The following ATXN10 variants were observed in gnomAD, a reference collection of about 807,000 sequenced individuals.
ATXN10 encodes ataxin 10, also known as ataxin-10.
In ATXN10, 28 loss-of-function variants were observed where a neutral mutation model predicts 52.9. The ratio of observed to expected loss-of-function variants is 0.53; its 90% CI spans 0.39 to 0.73. The LOEUF (loss-of-function observed/expected upper bound fraction) is 0.73. Among genes scored for constraint, ATXN10 ranks in the 30% least tolerant of loss-of-function variants. The pLI is 0.00. For missense variants in ATXN10, 565 were observed against 577.0 expected, an observed-to-expected ratio of 0.98 and a Z score of 0.21; for synonymous variants, 226 against 221.5, an observed-to-expected ratio of 1.02 and a Z score of -0.18.
chr22:45,841,118 A>T lies in ATXN10; in HGVS notation c.1238-1873A>T, dbSNP rs1929333734. On this transcript the variant is annotated intron_variant, in intron 10 of 11. Coordinates refer to ENST00000252934, the MANE Select transcript of ATXN10 (RefSeq NM_013236.4). The surrounding 1 kb of genome is among the most constrained non-coding windows in gnomAD (Gnocchi z 5.1). ...TGGGGGTTCAGTGATCATGGAAAAG[A>T]GGCGGATATTCAAATTTAGGTTTAA... 6.6e-6 allele frequency among the ~76,000 whole-genome samples: 1 copy of T among 152,254 alleles called. No individual in the cohort carries two copies. Among genetic ancestry groups the T allele is most frequent in the Admixed American group, 6.5e-5 (1 of 15,288 alleles).
rs1794250178 is a variant in ATXN10 at position 45,705,341 on chromosome 22, T to C, written c.647+2494T>C. On this transcript the variant is annotated intron_variant, in intron 5 of 11. Coordinates refer to ENST00000252934, the MANE Select transcript of ATXN10 (RefSeq NM_013236.4). The surrounding 1 kb of genome is among the most constrained non-coding windows in gnomAD (Gnocchi z 5.2). ...AAGGATCGGTATTCATCTTTAAATA[T>C]GTGGTAGAATTCACTGGTGAAGCCA... Among the ~76,000 whole-genome samples, 1 of 152,208 alleles carries C rather than the reference T, an allele frequency of 6.6e-6. No homozygotes were observed. The highest frequency in any genetic ancestry group is 1.5e-5 in the Non-Finnish European group (1 of 68,038).
rs1929453133 is a variant in ATXN10, at chr22:45,844,670, C to T, written c.*999C>T. 1 of 152,126 alleles carries T rather than the reference C, an allele frequency of 6.6e-6. No homozygotes were observed. Among genetic ancestry groups the T allele is most frequent in the African/African-American group, 2.4e-5 (1 of 41,420 alleles). 9.4% of individuals were successfully genotyped at this position (152,126 alleles called of 1,614,324 possible). ...ACTGAATCCAGATCATTCATATCAT[C>T]AACAAAAGCTCTAGGGGGAGGTCAC... On this transcript the variant is annotated 3_prime_UTR_variant, in exon 12 of 12. Coordinates refer to ENST00000252934, the MANE Select transcript of ATXN10 (RefSeq NM_013236.4).
chr22:45,694,924 G>A (rs1447516456), intron 3 of ATXN10, among the ~76,000 whole-genome samples: 6 of 107,146 alleles, frequency 5.6e-5, no homozygotes. Flanking sequence ...CTGGGTGACA[G>A]AGCAAGACTC....
intron 9 of ATXN10, chr22:45,792,658 C>T: frequency 3.8e-6 from 1 of 262,420 alleles, no homozygotes. Context: ...TCCCTAAAGT[C>T]CCTGAGAAAG....
chr22:45,720,948 A>G (rs185642149), intron 6 of ATXN10, among the ~76,000 whole-genome samples: 51 of 152,352 alleles, frequency 3.3e-4, no homozygotes, highest in Non-Finnish European at 6.2e-4. Context: ...AAGTGAGTGC[A>G]TGTGAGCATT....
At position 45,844,063 on chromosome 22, in the gene ATXN10, AT is replaced by A. The variant is rs1465272405; in HGVS notation, c.*394del. The A allele has an allele frequency of 5.0e-6, 1 of 199,494 alleles. No individual in the cohort carries two copies. The highest frequency in any genetic ancestry group is 2.3e-5 in the African/African-American group (1 of 42,756). The allele number at this position is 199,494 out of a possible 1,614,324, so 12.4% of individuals were successfully genotyped here. On this transcript the variant is annotated 3_prime_UTR_variant, in exon 12 of 12. Transcript: ENST00000252934. ...CATCATTCTTTATATTCCTCTTCTC[AT>A]TGGGTTTTCTGAACTCTGGCAGGCG...
intron 1 of ATXN10, among the ~76,000 whole-genome samples, chr22:45,686,270 C>G (rs1923131225): frequency 6.6e-6 from 1 of 152,194 alleles, no homozygotes; most frequent in Non-Finnish European, 1.5e-5. Context: ...TGCAAACAGT[C>G]TCATCACTGT....
At position 45,770,668 on chromosome 22, in the gene ATXN10, G is replaced by A. The variant is rs1375813417; in HGVS notation, c.1173+30130G>A. On this transcript the variant is annotated intron_variant, in intron 9 of 11. Transcript: ENST00000252934. The surrounding 1 kb of genome is among the most constrained non-coding windows in gnomAD (Gnocchi z 4.5). ...GCCACTGATGGTTCTCGGCCTGTCT[G>A]AGGCAACAAACTTGTAAGCATGATA... Among the ~76,000 whole-genome samples, 4 of 152,186 alleles carry A rather than the reference G, an allele frequency of 2.6e-5. No individual in the cohort carries two copies. The highest frequency in any genetic ancestry group is 5.9e-5 in the Non-Finnish European group (4 of 68,024).
chr22:45,801,640 A>G (rs548033956), intron 9 of ATXN10, among the ~76,000 whole-genome samples: 1 of 152,352 alleles, frequency 6.6e-6, no homozygotes, highest in Admixed American at 6.5e-5. Flanking sequence ...ACAACATTAC[A>G]CTAACTTAGA....
At chr22:45,785,300 A>G (rs1334038713) in intron 9 of ATXN10, among the ~76,000 whole-genome samples, 1 of 152,198 alleles carries the variant, frequency 6.6e-6, no homozygotes, top group South Asian at 2.1e-4. Context: ...CTGCTTAAAA[A>G]TGGGGATCTT....
chr22:45,754,434 G>C lies in ATXN10; in HGVS notation c.1173+13896G>C, dbSNP rs1005411196. Reference sequence around the variant, plus strand: ...GACCTTCCATGAATGCCTCCTGCATGTGCTTGAGTGGGATGTTTCAGAGGT... The same window carrying C: ...GACCTTCCATGAATGCCTCCTGCATCTGCTTGAGTGGGATGTTTCAGAGGT... On this transcript the variant is annotated intron_variant, in intron 9 of 11. Transcript: ENST00000252934. This position sits in a 1 kb window ranked among gnomAD's most constrained non-coding sequence, Gnocchi z 5.4. Among the ~76,000 whole-genome samples, 2 of 152,156 alleles carry C rather than the reference G, an allele frequency of 1.3e-5. No homozygotes were observed. Among genetic ancestry groups the C allele is most frequent in the African/African-American group, 4.8e-5 (2 of 41,436 alleles).
Position 45,842,141 on chromosome 22 carries a change from A to G in ATXN10, c.1238-850A>G, listed in dbSNP as rs1929364353. On this transcript the variant is annotated intron_variant, in intron 10 of 11. Coordinates refer to ENST00000252934, the MANE Select transcript of ATXN10 (RefSeq NM_013236.4). This position sits in a 1 kb window ranked among gnomAD's most constrained non-coding sequence, Gnocchi z 4.8. Reference sequence around the variant, plus strand: ...AGCCTCTCTTGGCAGTCTCTTACATATGTCCCTGGATCCAACCACTGAAGA... The same window carrying G: ...AGCCTCTCTTGGCAGTCTCTTACATGTGTCCCTGGATCCAACCACTGAAGA... Among the ~76,000 whole-genome samples, 1 of 152,100 alleles carries G rather than the reference A, an allele frequency of 6.6e-6. No homozygotes were observed. The highest frequency in any genetic ancestry group is 2.4e-5 in the African/African-American group (1 of 41,408).
Position 45,824,446 on chromosome 22 carries a change from C to G in ATXN10, c.1237+17424C>G, listed in dbSNP as rs1237728233. On this transcript the variant is annotated intron_variant, in intron 10 of 11. Coordinates refer to ENST00000252934, the MANE Select transcript of ATXN10 (RefSeq NM_013236.4). The surrounding 1 kb of genome is among the most constrained non-coding windows in gnomAD (Gnocchi z 5.2). The stretch of plus-strand genomic sequence containing the variant: ...TTATTTCTCTGCATCTAACTCTCCT[C>G]AAGGCACTAAATTGATATTTAGAGT... Among the ~76,000 whole-genome samples, 4 of 152,272 alleles carry G rather than the reference C, an allele frequency of 2.6e-5. No homozygotes were observed. Among genetic ancestry groups the G allele is most frequent in the South Asian group, 4.1e-4 (2 of 4,826 alleles).
intron 9 of ATXN10, among the ~76,000 whole-genome samples, chr22:45,776,260 T>G (rs999739576): frequency 6.6e-6 from 1 of 152,222 alleles, no homozygotes; most frequent in African/African-American, 2.4e-5. Flanking sequence ...AACCACCCAC[T>G]TGTTGCTTTG....
At chr22:45,773,972 C>T (rs1926865184) in intron 9 of ATXN10, among the ~76,000 whole-genome samples, 1 of 152,192 alleles carries the variant, frequency 6.6e-6, no homozygotes, top group Non-Finnish European at 1.5e-5. Flanking sequence ...TTTCTCATTG[C>T]AGTCCTGTCT....
chr22:45,760,937 G>A (rs540116290), intron 9 of ATXN10, among the ~76,000 whole-genome samples: 2 of 152,152 alleles, frequency 1.3e-5, no homozygotes, highest in Non-Finnish European at 2.9e-5. Context: ...AGGCCTGGTT[G>A]GAGGGTGGTG....
intron 9 of ATXN10, among the ~76,000 whole-genome samples, chr22:45,802,094 A>G (rs893670161): frequency 2.6e-5 from 4 of 152,222 alleles, no homozygotes; most frequent in African/African-American, 9.6e-5. Flanking sequence ...TTATTGGCTA[A>G]TGTGGGAAAG....
intron 9 of ATXN10, among the ~76,000 whole-genome samples, chr22:45,796,038 A>G (rs1429438915): frequency 6.6e-6 from 1 of 152,246 alleles, no homozygotes; most frequent in East Asian, 1.9e-4. Flanking sequence ...GCCGGGCAGA[A>G]CAGAGTCATA....
At position 45,733,715 on chromosome 22, in the gene ATXN10, C is replaced by T. The variant is rs1925176425; in HGVS notation, c.894+4125C>T. Among the ~76,000 whole-genome samples the T allele has an allele frequency of 6.6e-6, 1 of 151,520 alleles. No individual in the cohort carries two copies. Among genetic ancestry groups the T allele is most frequent in the East Asian group, 1.9e-4 (1 of 5,168 alleles). ...AGGTTGCTGTGAACTGAGATTGTGC[C>T]ATTGCACTTCAGCCTGGGCGACAGA... On this transcript the variant is annotated intron_variant, in intron 7 of 11. Transcript: ENST00000252934. This position sits in a 1 kb window ranked among gnomAD's most constrained non-coding sequence, Gnocchi z 4.4.
Sources: gnomAD v4.1 joint callset for allele counts (sites outside exome capture counted in the v4.1 genomes callset) on GRCh38, gnomAD v4.1.1 for gene constraint, Gnocchi (gnomAD v3.1) non-coding constraint, MANE v1.5 for transcripts, NCBI Gene and HGNC (gene_info 2026-07-23, HGNC 2026-07-21) for gene names.